CNTNAP2: variants seen among roughly 807,000 people sequenced by gnomAD.
CNTNAP2 encodes the protein contactin-associated protein-like 2.
CNTNAP2 carries 98 observed loss-of-function variants against 155.2 expected under a neutral mutation model. That is an observed-to-expected ratio of 0.63 (90% CI 0.54 to 0.75). The LOEUF is 0.75. Ranked by LOEUF, CNTNAP2 falls within the 30% of genes least tolerant of loss-of-function variation. The pLI is 0.00. For synonymous variants in CNTNAP2, 651 were observed against 631.2 expected (o/e 1.03, Z -0.47); for missense variants, 1,727 against 1,688.1 (o/e 1.02, Z -0.40).
chr7:147,233,747 A>G (rs1803736916), intron 8 of CNTNAP2, among the ~76,000 whole-genome samples: 1 of 151,772 alleles, frequency 6.6e-6, no homozygotes, highest in Non-Finnish European at 1.5e-5. Flanking sequence ...AAAAGGAAAA[A>G]AGTCTTATAT....
At chr7:147,527,040 T>TG (rs1799336564) in intron 11 of CNTNAP2, among the ~76,000 whole-genome samples, 1 of 130,900 alleles carries the variant, frequency 7.6e-6, no homozygotes, top group Admixed American at 8.2e-5. Flanking sequence ...TTTTTTTTTT[T>TG]TTGATGGAGT....
At chr7:147,161,307 A>C (rs1802018753) in intron 8 of CNTNAP2, among the ~76,000 whole-genome samples, 1 of 152,172 alleles carries the variant, frequency 6.6e-6, no homozygotes, top group South Asian at 2.1e-4. Context: ...GATAAGGATA[A>C]GTGAGCCTCC....
At chr7:147,063,614 A>G (rs186233224) in intron 4 of CNTNAP2, among the ~76,000 whole-genome samples, 2 of 152,288 alleles carry the variant, frequency 1.3e-5, no homozygotes, top group Admixed American at 1.3e-4. Flanking sequence ...TTTTTAAATA[A>G]TAAATTAATT....
intron 12 of CNTNAP2, among the ~76,000 whole-genome samples, chr7:147,587,926 G>C (rs10253397): frequency 0.68 from 104,088 of 151,972 alleles, 36,096 homozygotes; most frequent in African/African-American, 0.78. Flanking sequence ...TTTCTCTGCT[G>C]TCTGTATAAC....
intron 3 of CNTNAP2, among the ~76,000 whole-genome samples, chr7:146,926,020 A>G (rs954536969): frequency 6.6e-6 from 1 of 152,092 alleles, no homozygotes; most frequent in South Asian, 2.1e-4. Flanking sequence ...TCACTATTCA[A>G]TTTGAAAGTA....
At chr7:147,112,270 T>C (rs1800894589) in intron 5 of CNTNAP2, among the ~76,000 whole-genome samples, 1 of 152,212 alleles carries the variant, frequency 6.6e-6, no homozygotes, top group African/African-American at 2.4e-5. Context: ...TAAGAATCTT[T>C]TGGGCTGAGA....
intron 21 of CNTNAP2, among the ~76,000 whole-genome samples, chr7:148,315,942 A>AT (rs1475006254): frequency 6.6e-6 from 1 of 152,060 alleles, no homozygotes; most frequent in African/African-American, 2.4e-5. Flanking sequence ...CATATATATT[A>AT]TTTATGCTTT....
chr7:147,698,746 C>A (rs547283169), intron 13 of CNTNAP2, among the ~76,000 whole-genome samples: 1 of 152,066 alleles, frequency 6.6e-6, no homozygotes, highest in Non-Finnish European at 1.5e-5. Flanking sequence ...TCTTATTTTG[C>A]AGATATGGGG....
intron 13 of CNTNAP2, among the ~76,000 whole-genome samples, chr7:147,823,541 C>T (rs892486244): frequency 6.6e-6 from 1 of 152,052 alleles, no homozygotes; most frequent in Non-Finnish European, 1.5e-5. Context: ...AAACTTGGCT[C>T]CTACCCCTAA....
chr7:147,842,526 A>C (rs965787912), intron 13 of CNTNAP2, among the ~76,000 whole-genome samples: 2 of 123,832 alleles, frequency 1.6e-5, no homozygotes, highest in Non-Finnish European at 3.7e-5. Flanking sequence ...AATAGCTTTT[A>C]TATTTAGATT....
intron 8 of CNTNAP2, among the ~76,000 whole-genome samples, chr7:147,188,058 C>T (rs1020592218): frequency 1.3e-5 from 2 of 152,018 alleles, no homozygotes; most frequent in African/African-American, 4.8e-5. Context: ...GAGACTTCAT[C>T]TCAAATAAAT....
intron 10 of CNTNAP2, among the ~76,000 whole-genome samples, chr7:147,402,864 C>T (rs1444882052): frequency 6.6e-6 from 1 of 151,180 alleles, no homozygotes; most frequent in Admixed American, 6.6e-5. Flanking sequence ...ATTCCTAAGT[C>T]TCTGCTGTAT....
At chr7:147,907,039 C>A (rs1275906084) in intron 14 of CNTNAP2, among the ~76,000 whole-genome samples, 1 of 152,018 alleles carries the variant, frequency 6.6e-6, no homozygotes, top group African/African-American at 2.4e-5. Context: ...ATAGCTTGAG[C>A]AAACTGAAAA....
intron 18 of CNTNAP2, among the ~76,000 whole-genome samples, chr7:148,181,406 A>G (rs901574064): frequency 8.5e-5 from 13 of 152,258 alleles, no homozygotes; most frequent in Admixed American, 4.6e-4. Context: ...ATGAAAATCC[A>G]TAAGTGGACA....
At chr7:146,369,187 ATG>A (rs1319044153) in intron 1 of CNTNAP2, among the ~76,000 whole-genome samples, 3 of 151,262 alleles carry the variant, frequency 2.0e-5, no homozygotes, top group Non-Finnish European at 4.4e-5. Flanking sequence ...ATGTGTGTGT[ATG>A]TGTGTTTTAA....
intron 13 of CNTNAP2, among the ~76,000 whole-genome samples, chr7:147,794,062 C>T (rs191471968): frequency 0.013 from 2,019 of 151,824 alleles, 27 homozygotes; most frequent in Middle Eastern, 0.024. Flanking sequence ...TAGTGGATTC[C>T]TTATGATGTT....
chr7:146,709,725 C>T (rs978738508), intron 1 of CNTNAP2, among the ~76,000 whole-genome samples: 1 of 152,132 alleles, frequency 6.6e-6, no homozygotes, highest in African/African-American at 2.4e-5. Flanking sequence ...TGGTAAAATA[C>T]AGCAGGCTGA....
intron 13 of CNTNAP2, among the ~76,000 whole-genome samples, chr7:147,714,520 T>A (rs1252054266): frequency 1.3e-5 from 2 of 151,930 alleles, no homozygotes; most frequent in East Asian, 3.9e-4. Flanking sequence ...GTTAGAGGGA[T>A]GAAGAGAGTG....
At chr7:146,675,020 G>A (rs1389077153) in intron 1 of CNTNAP2, among the ~76,000 whole-genome samples, 1 of 152,044 alleles carries the variant, frequency 6.6e-6, no homozygotes, top group Admixed American at 6.6e-5. Context: ...TGCTAAAGTG[G>A]CATATTTTGG....
Sources: allele counts gnomAD v4.1 joint callset (sites outside exome capture counted in the v4.1 genomes callset), GRCh38; gene constraint gnomAD v4.1.1; transcripts MANE v1.5; gene names NCBI Gene and HGNC (gene_info 2026-07-23, HGNC 2026-07-21).